Variants in PCDHA4 observed in about 807,000 individuals in gnomAD.
The protein encoded by PCDHA4 is protocadherin alpha 4.
In PCDHA4, 49 loss-of-function variants were observed where a neutral mutation model predicts 61.4. The ratio of observed to expected loss-of-function variants is 0.80; its 90% confidence interval spans 0.63 to 1.01. The LOEUF is 1.01. Ranked by LOEUF, PCDHA4 falls within the 50% of genes least tolerant of loss-of-function variation. The pLI, the probability that PCDHA4 is intolerant of heterozygous loss-of-function variation, is 0.00. For missense variants in PCDHA4, 1,254 were observed against 1,235.8 expected (o/e 1.01, Z -0.22); for synonymous variants, 590 against 550.3 (o/e 1.07, Z -1.01).
chr5:140,952,608 C>T (rs2153696668), intron 1 of PCDHA4, among the ~76,000 whole-genome samples: 1 of 152,282 alleles, frequency 6.6e-6, no homozygotes, highest in Non-Finnish European at 1.5e-5. Flanking sequence ...TCTAAGCTCT[C>T]CCTCATCTTC....
In PCDHA4 at chr5:140,883,696, G is replaced by C. The variant is rs142212706; in HGVS notation, c.2385+74124G>C. On this transcript the variant is annotated intron_variant, in intron 1 of 3. Transcript: ENST00000530339. ...ATCCGCCGGGCTGCCACATCTTCAC[G>C]GTGTCTGCTCAGGACGCGGACGCAC... The C allele has an allele frequency of 1.7e-4, 276 of 1,613,818 alleles. 1 individual carries two copies. In the African/African-American group the frequency reaches 3.2e-3, roughly 19 times the overall value.
Position 140,842,578 on chromosome 5 carries a change from G to C in PCDHA4, c.2385+33006G>C, listed in dbSNP as rs2150339831. On this transcript the variant is annotated intron_variant, in intron 1 of 3. Transcript: ENST00000530339. ...GCGCCCTGGACCGCGAGAGAGTGTC[G>C]GCCTATGAGTTGGTGGTAACCGCGC... 18 of 1,515,278 alleles carry C rather than the reference G, an allele frequency of 1.2e-5. 1 individual carries two copies. The highest frequency in any genetic ancestry group is 1.5e-5 in the Non-Finnish European group (17 of 1,114,964). 93.9% of individuals were successfully genotyped at this position (1,515,278 alleles called of 1,614,324 possible). A position where few individuals can be genotyped will look rare whatever the true frequency, so the allele number is the denominator to read the frequency against.
At chr5:140,882,137 A>G in intron 1 of PCDHA4, 1 of 1,489,212 alleles carries the variant, frequency 6.7e-7, no homozygotes. Flanking sequence ...CCTGCAGAAA[A>G]TATAGCAGAA....
At chr5:141,000,421 ATTT>A (rs34755515) in intron 3 of PCDHA4, among the ~76,000 whole-genome samples, 361 of 27,888 alleles carry the variant, frequency 0.013, no homozygotes, top group East Asian at 0.018. Context: ...ATATATATAT[ATTT>A]TTTTTTTTTT....
intron 1 of PCDHA4, chr5:140,868,100 ATTTAT>A (rs2153230738): frequency 1.3e-5 from 2 of 152,260 alleles, no homozygotes; most frequent in South Asian, 2.1e-4. Context: ...TGATAATAAA[ATTTAT>A]TTTATAGTTG....
rs190430510 is a variant in PCDHA4, at chr5:140,858,745, C to G, written c.2385+49173C>G. ...TTCTGACGATTTACTTTCATAATCACTTTTCGTTACAAATATTTGTGAGAT... is the reference window on the plus strand; with the variant it reads ...TTCTGACGATTTACTTTCATAATCAGTTTTCGTTACAAATATTTGTGAGAT... On this transcript the variant is annotated intron_variant, in intron 1 of 3. Coordinates refer to ENST00000530339, the MANE Select transcript of PCDHA4 (RefSeq NM_018907.4). 215 of 461,666 alleles carry G rather than the reference C, an allele frequency of 4.7e-4. 2 individuals are homozygous for G. In the East Asian group the frequency reaches 5.3e-3, roughly 11 times the overall value. The allele number at this position is 461,666 out of a possible 1,614,324, so 28.6% of individuals were successfully genotyped here.
intron 1 of PCDHA4, chr5:140,851,041 G>A (rs1162904841): frequency 3.6e-6 from 5 of 1,393,834 alleles, no homozygotes; most frequent in Non-Finnish European, 4.7e-6. Context: ...TAACATTGGA[G>A]CCGACTTTGT....
intron 1 of PCDHA4, chr5:140,864,345 G>A (rs2048432897): frequency 6.6e-6 from 1 of 152,130 alleles, no homozygotes; most frequent in Non-Finnish European, 1.5e-5. Flanking sequence ...TTTAAAACAT[G>A]TTTAAATGTT....
intron 1 of PCDHA4, chr5:140,883,623 C>A: frequency 6.2e-7 from 1 of 1,613,988 alleles, no homozygotes; most frequent in Non-Finnish European, 8.5e-7. Context: ...AACGACAACG[C>A]GCCGGCGTTC....
At chr5:140,862,471 C>G in intron 1 of PCDHA4, 3 of 374,584 alleles carry the variant, frequency 8.0e-6, no homozygotes, top group Non-Finnish European at 1.6e-5. Context: ...GAGAGCAAAT[C>G]TATCCATTGT....
At chr5:140,842,886 C>A in intron 1 of PCDHA4, 1 of 1,594,202 alleles carries the variant, frequency 6.3e-7, no homozygotes, top group East Asian at 2.2e-5. Context: ...GCGCTGCAGC[C>A]GCTGGACCAC....
In PCDHA4 at chr5:141,010,551, C is replaced by T. The variant is rs2098417607; in HGVS notation, c.*614C>T. ...AGCCACCCTCTAGGAGACAAAACTA[C>T]CCCCACTGACAAGGCTTTAGGAGAC... On this transcript the variant is annotated 3_prime_UTR_variant, in exon 4 of 4. Coordinates refer to ENST00000530339, the MANE Select transcript of PCDHA4 (RefSeq NM_018907.4). The T allele has an allele frequency of 9.3e-6, 3 of 323,786 alleles. No homozygotes were observed. Among genetic ancestry groups the T allele is most frequent in the African/African-American group, 2.1e-5 (1 of 47,406 alleles). The allele number at this position is 323,786 out of a possible 1,614,324, so 20.1% of individuals were successfully genotyped here.
chr5:141,003,684 A>C (rs1425078507), intron 3 of PCDHA4, among the ~76,000 whole-genome samples: 1 of 152,240 alleles, frequency 6.6e-6, no homozygotes, highest in Non-Finnish European at 1.5e-5. Flanking sequence ...TTCTGATTTT[A>C]AAATATATCC....
At chr5:140,856,650 G>T in intron 1 of PCDHA4, 1 of 1,598,142 alleles carries the variant, frequency 6.3e-7, no homozygotes, top group Admixed American at 1.7e-5. Context: ...CTGCTGGATC[G>T]TGAAGAAAAT....
chr5:140,835,671 G>C (rs1489343208), intron 1 of PCDHA4: 19 of 1,613,790 alleles, frequency 1.2e-5, no homozygotes, highest in Non-Finnish European at 1.2e-5. Context: ...CGCGCGGGAC[G>C]GGGGCTCGCC....
In PCDHA4 at chr5:140,807,589, A is replaced by G. The variant is rs1554124106; in HGVS notation, c.402A>G (p.Pro134=). The G allele has an allele frequency of 6.2e-7, 1 of 1,614,038 alleles. No homozygotes were observed. The highest frequency in any genetic ancestry group is 1.7e-5 in the Admixed American group (1 of 59,996). Residue 134 remains proline (P), a synonymous_variant, in exon 1 of 4, where the codon CCA becomes CCG. Transcript: ENST00000530339. ...RDINDNPPVF[P]ATQKNLSIAE... Reference sequence around the variant, plus strand: ...TTAACGATAACCCGCCGGTGTTCCCAGCAACACAAAAGAACCTGTCCATCG... The same window carrying G: ...TTAACGATAACCCGCCGGTGTTCCCGGCAACACAAAAGAACCTGTCCATCG...
intron 3 of PCDHA4, among the ~76,000 whole-genome samples, chr5:140,993,683 G>A (rs2097577653): frequency 6.6e-6 from 1 of 152,080 alleles, no homozygotes; most frequent in Non-Finnish European, 1.5e-5. Flanking sequence ...TGTGACAGCT[G>A]TCCCATAAGA....
intron 1 of PCDHA4, chr5:140,930,420 A>G (rs996872425): frequency 1.3e-5 from 2 of 151,962 alleles, no homozygotes; most frequent in Non-Finnish European, 2.9e-5. Context: ...CAGGGGTCTC[A>G]CTATGTTGCC....
At chr5:140,843,497 C>A in intron 1 of PCDHA4, 1 of 1,596,022 alleles carries the variant, frequency 6.3e-7, no homozygotes, top group Non-Finnish European at 8.6e-7. Context: ...GTGCTCAGCA[C>A]TGCCCACTGA....
Sources: gnomAD v4.1 joint callset for allele counts (sites outside exome capture counted in the v4.1 genomes callset) on GRCh38, gnomAD v4.1.1 for gene constraint, MANE v1.5 for transcripts, NCBI Gene and HGNC (gene_info 2026-07-23, HGNC 2026-07-21) for gene names.